Variants in CMIP observed in about 807,000 individuals in gnomAD.
The protein encoded by CMIP is C-Maf-inducing protein.
In CMIP, 13 loss-of-function variants were observed where a neutral mutation model predicts 97.3. That is an observed-to-expected ratio of 0.13 (90% confidence interval 0.09 to 0.21). CMIP has a LOEUF of 0.21. Among genes scored for constraint, CMIP ranks in the 10% least tolerant of loss-of-function variants. The pLI, the probability that CMIP is intolerant of heterozygous loss-of-function variation, is 1.00. For missense variants in CMIP, 847 were observed against 1,024.9 expected (o/e 0.83, Z 2.37); for synonymous variants, 538 against 436.3 (o/e 1.23, Z -2.91).
At chr16:81,603,375 C>T (rs1186118468) in intron 1 of CMIP, 1 of 454,326 alleles carries the variant, frequency 2.2e-6, no homozygotes, top group East Asian at 7.0e-5. Context: ...AGCCACCGCG[C>T]CCGGCCTTGT....
At chr16:81,521,023 A>C (rs1294213445) in intron 1 of CMIP, among the ~76,000 whole-genome samples, 1 of 152,166 alleles carries the variant, frequency 6.6e-6, no homozygotes, top group Non-Finnish European at 1.5e-5. Context: ...CTCTTCACTG[A>C]TGCATTTTGC....
intron 3 of CMIP, among the ~76,000 whole-genome samples, chr16:81,626,331 GTGTC>G (rs1359401586): frequency 6.6e-6 from 1 of 151,842 alleles, no homozygotes; most frequent in East Asian, 1.9e-4. Context: ...GGTGACTGGT[GTGTC>G]TGTGTGTGGT....
chr16:81,567,824 C>A (rs901768698), intron 1 of CMIP, among the ~76,000 whole-genome samples: 13 of 152,180 alleles, frequency 8.5e-5, no homozygotes, highest in Non-Finnish European at 1.9e-4. Context: ...TTATTCTGTT[C>A]ACTGCTGTAT....
At chr16:81,519,734 C>G (rs889233881) in intron 1 of CMIP, 2 of 152,216 alleles carry the variant, frequency 1.3e-5, no homozygotes, top group Non-Finnish European at 1.5e-5. Flanking sequence ...CACTTTTAAC[C>G]TACAGAACGG....
intron 1 of CMIP, among the ~76,000 whole-genome samples, chr16:81,523,129 A>C (rs900798211): frequency 1.3e-5 from 2 of 152,186 alleles, no homozygotes; most frequent in African/African-American, 4.8e-5. Flanking sequence ...TATGTTGCCC[A>C]GACTGGCCTC....
intron 3 of CMIP, among the ~76,000 whole-genome samples, chr16:81,623,140 G>T (rs2092015036): frequency 6.6e-6 from 1 of 152,122 alleles, no homozygotes; most frequent in Non-Finnish European, 1.5e-5. Context: ...GGAGATGGAG[G>T]TTGTAGTGAG....
chr16:81,452,101 G>A (rs1906253798), intron 1 of CMIP, among the ~76,000 whole-genome samples: 1 of 152,178 alleles, frequency 6.6e-6, no homozygotes, highest in Non-Finnish European at 1.5e-5. Context: ...GACTTCAGTA[G>A]CCATTTCGTT....
At chr16:81,637,495 A>G (rs2092251505) in intron 3 of CMIP, among the ~76,000 whole-genome samples, 2 of 152,210 alleles carry the variant, frequency 1.3e-5, no homozygotes, top group Non-Finnish European at 2.9e-5. Context: ...CAGGATGCAA[A>G]TGCTACTATT....
chr16:81,639,499 A>T (rs2092278285), intron 3 of CMIP, among the ~76,000 whole-genome samples: 1 of 152,152 alleles, frequency 6.6e-6, no homozygotes. Flanking sequence ...GTGGAATCAC[A>T]CAAGATTTGG....
chr16:81,699,839 C>T (rs1464463325), intron 15 of CMIP, 38 bp downstream of exon 15: 2 of 1,386,646 alleles, frequency 1.4e-6, no homozygotes, highest in African/African-American at 1.4e-5. Flanking sequence ...GGGTGGCTGG[C>T]TCCCCGTCCC....
chr16:81,458,808 G>A (rs1034952795), intron 1 of CMIP, among the ~76,000 whole-genome samples: 2 of 152,084 alleles, frequency 1.3e-5, no homozygotes, highest in Non-Finnish European at 2.9e-5. Context: ...TGAAAGCTGG[G>A]GATATAAGAG....
At chr16:81,480,680 A>C (rs919691448) in intron 1 of CMIP, among the ~76,000 whole-genome samples, 1 of 152,198 alleles carries the variant, frequency 6.6e-6, no homozygotes, top group African/African-American at 2.4e-5. Flanking sequence ...AATAATTAAA[A>C]ACTATCTAAT....
rs200657036 is a variant in CMIP at position 81,535,290 on chromosome 16, G to A, written c.301-72277G>A. ...TGAGCCCTCTCCTTTTAAAGATGAA[G>A]GAACTGAGGCACCAGAGAGGTCAAG... is the stretch of plus-strand genomic sequence containing the variant. On this transcript the variant is annotated intron_variant, in intron 1 of 20. Transcript: ENST00000537098. 1.2e-4 allele frequency among the ~76,000 whole-genome samples: 19 copies of A among 152,176 alleles called. No homozygotes were observed. In the East Asian group the frequency reaches 2.1e-3, roughly 17 times the overall value.
At chr16:81,560,681 C>T (rs2090865304) in intron 1 of CMIP, among the ~76,000 whole-genome samples, 1 of 152,202 alleles carries the variant, frequency 6.6e-6, no homozygotes, top group Non-Finnish European at 1.5e-5. Flanking sequence ...ATGGTAAATG[C>T]TCTGTACAGG....
chr16:81,555,781 C>A (rs147890716), intron 1 of CMIP, among the ~76,000 whole-genome samples: 7 of 152,308 alleles, frequency 4.6e-5, no homozygotes, highest in African/African-American at 1.7e-4. Context: ...CCCCTCCGGG[C>A]TGGTTATTGC....
chr16:81,675,801 C>T (rs1438818876), intron 9 of CMIP, among the ~76,000 whole-genome samples: 1 of 152,180 alleles, frequency 6.6e-6, no homozygotes, highest in African/African-American at 2.4e-5. Flanking sequence ...CTCAAACCTC[C>T]TGGTGCCTGG....
intron 4 of CMIP, among the ~76,000 whole-genome samples, chr16:81,656,953 T>C (rs184542553): frequency 6.0e-4 from 91 of 152,102 alleles, no homozygotes; most frequent in East Asian, 9.7e-4. Flanking sequence ...AGCATCAACA[T>C]GACACTCAAA....
At chr16:81,602,527 C>T (rs934896417) in intron 1 of CMIP, among the ~76,000 whole-genome samples, 1 of 152,212 alleles carries the variant, frequency 6.6e-6, no homozygotes, top group African/African-American at 2.4e-5. Flanking sequence ...CAAGTGACAT[C>T]GCCCCCACAG....
At position 81,614,680 on chromosome 16, in the gene CMIP, A is replaced by T. The variant is rs1352892656; in HGVS notation, c.427-6196A>T. On this transcript the variant is annotated intron_variant, in intron 2 of 20. Transcript: ENST00000537098. The surrounding 1 kb of genome is among the most constrained non-coding windows in gnomAD (Gnocchi z 5.3). ...GTGTGTATGTATGTCTGTATGGTTTATGTGTGTGTGTGTGTGTATGGTATG... is the reference window on the plus strand; with the variant it reads ...GTGTGTATGTATGTCTGTATGGTTTTTGTGTGTGTGTGTGTGTATGGTATG... 2.0e-5 allele frequency among the ~76,000 whole-genome samples: 3 copies of T among 149,622 alleles called. No individual in the cohort carries two copies. Among genetic ancestry groups the T allele is most frequent in the African/African-American group, 7.4e-5 (3 of 40,644 alleles).
Sources: allele counts gnomAD v4.1 joint callset (sites outside exome capture counted in the v4.1 genomes callset), GRCh38; gene constraint gnomAD v4.1.1; non-coding constraint Gnocchi (gnomAD v3.1); transcripts MANE v1.5; gene names NCBI Gene and HGNC (gene_info 2026-07-23, HGNC 2026-07-21).